SVIL: variants seen among roughly 807,000 people sequenced by gnomAD.
The protein encoded by SVIL is supervillin, also known as archvillin.
In SVIL, 101 loss-of-function variants were observed where a neutral mutation model predicts 240.4. The ratio of observed to expected loss-of-function variants is 0.42; its 90% CI spans 0.36 to 0.50. The LOEUF (loss-of-function observed/expected upper bound fraction) is 0.50, where lower values mean the gene tolerates loss of function less well. Among genes scored for constraint, SVIL ranks in the 20% least tolerant of loss-of-function variants. The pLI is 0.01. For synonymous variants in SVIL, 999 were observed against 1,100.0 expected, an observed-to-expected ratio of 0.91 and a Z score of 1.82; for missense variants, 2,512 against 2,818.7, an observed-to-expected ratio of 0.89 and a Z score of 2.46.
Position 29,487,176 on chromosome 10 carries a change from A to G in SVIL, c.4472T>C (p.Ile1491Thr), listed in dbSNP as rs1947485448. The G allele has an allele frequency of 6.2e-7, 1 of 1,614,022 alleles. No homozygotes were observed. Among genetic ancestry groups the G allele is most frequent in the Non-Finnish European group, 8.5e-7 (1 of 1,179,918 alleles). The change falls in exon 24 of 38, where the codon ATA becomes ACA. Residue 1491 changes from isoleucine to threonine, a missense_variant. Around this residue, in one of 3 missense-constraint regions of SVIL, gnomAD observed 272 missense variants for 406.8 expected, o/e 0.67. Transcript: ENST00000355867. ...FLWVGEFANV[I>T]EKAKASELAT... is the part of the protein sequence containing the mutation. ...TCAGGTACCAACCTTCGCCTTTTCT[A>G]TGACGTTTGCAAACTCTCCTACCCA...
At chr10:29,473,815 G>A in intron 30 of SVIL, 23 bp downstream of exon 30, 1 of 1,613,562 alleles carries the variant, frequency 6.2e-7, no homozygotes, top group South Asian at 1.1e-5. Flanking sequence ...AGTCCCCGGG[G>A]TGCAGAGCTC....
chr10:29,488,203 CT>C (rs1397156336), intron 23 of SVIL, among the ~76,000 whole-genome samples: 1 of 150,534 alleles, frequency 6.6e-6, no homozygotes, highest in Non-Finnish European at 1.5e-5. Flanking sequence ...TCGGGGAGAA[CT>C]GGGCAGAGAG....
intron 8 of SVIL, 92 bp from the exon 9 acceptor site, chr10:29,532,264 G>A (rs780770142): frequency 6.9e-7 from 1 of 1,447,192 alleles, no homozygotes; most frequent in Admixed American, 2.3e-5. Flanking sequence ...CGTGAGTCAA[G>A]GGACAGACAC....
chr10:29,671,171 C>T (rs1959745264), intron 2 of SVIL: 1 of 152,218 alleles, frequency 6.6e-6, no homozygotes, highest in Non-Finnish European at 1.5e-5. Context: ...AAAACTTCAT[C>T]TGCTTTTCAT....
At chr10:29,481,754 G>T (rs1946881979) in intron 27 of SVIL, 26 bp from the exon 28 acceptor site, 2 of 1,605,972 alleles carry the variant, frequency 1.2e-6, no homozygotes, top group Admixed American at 1.7e-5. Flanking sequence ...GGGGTTGGGA[G>T]AACAGACAGG....
In SVIL at chr10:29,652,222, C is replaced by G. The variant is rs546264577; in HGVS notation, c.-201+5747G>C. ...ACTCGTAATTTGCCACCATACACCCCCTGTCGTAGGCAACCATTAATCTAC... is the reference window on the plus strand; with the variant it reads ...ACTCGTAATTTGCCACCATACACCCGCTGTCGTAGGCAACCATTAATCTAC... On this transcript the variant is annotated intron_variant, in intron 3 of 35. Coordinates refer to the SVIL transcript ENST00000375400. Among the ~76,000 whole-genome samples, 488 of 152,260 alleles carry G rather than the reference C, an allele frequency of 3.2e-3. 3 individuals are homozygous for G. Among genetic ancestry groups the G allele is most frequent in the African/African-American group, 0.011 (449 of 41,556 alleles).
intron 1 of SVIL, among the ~76,000 whole-genome samples, chr10:29,725,432 G>C (rs1964234192): frequency 6.6e-6 from 1 of 152,188 alleles, no homozygotes; most frequent in Non-Finnish European, 1.5e-5. Flanking sequence ...GGAAAGGGGA[G>C]ATAAGAGCAG....
At chr10:29,628,618 C>G (rs1957965485) in intron 1 of SVIL, among the ~76,000 whole-genome samples, 1 of 152,136 alleles carries the variant, frequency 6.6e-6, no homozygotes, top group African/African-American at 2.4e-5. Context: ...GGGTCTTCGC[C>G]CAGAACCGAA....
intron 5 of SVIL, among the ~76,000 whole-genome samples, chr10:29,552,147 A>G (rs1207746122): frequency 6.6e-6 from 1 of 152,008 alleles, no homozygotes; most frequent in Admixed American, 6.6e-5. Flanking sequence ...AAAACCTATC[A>G]ATCATCACCC....
At chr10:29,561,327 CCTT>C (rs1954452491) in intron 3 of SVIL, among the ~76,000 whole-genome samples, 2 of 151,978 alleles carry the variant, frequency 1.3e-5, no homozygotes, top group South Asian at 4.2e-4. Flanking sequence ...ATTTGTTGAA[CCTT>C]AAGGAACCCA....
intron 18 of SVIL, among the ~76,000 whole-genome samples, chr10:29,496,812 C>A (rs1354918806): frequency 6.6e-6 from 1 of 152,148 alleles, no homozygotes; most frequent in Non-Finnish European, 1.5e-5. Flanking sequence ...AACCCACTTA[C>A]AAATAAATTA....
chr10:29,535,244 T>A (rs1951659434), intron 7 of SVIL, among the ~76,000 whole-genome samples: 1 of 136,884 alleles, frequency 7.3e-6, no homozygotes, highest in Non-Finnish European at 1.7e-5. Context: ...GTTGTTATTT[T>A]TCCCAGAGAT....
At chr10:29,562,787 A>AG (rs1954624891) in intron 3 of SVIL, among the ~76,000 whole-genome samples, 2 of 150,632 alleles carry the variant, frequency 1.3e-5, no homozygotes, top group African/African-American at 4.9e-5. Context: ...AAAAAAAAAA[A>AG]AAAAAAAAAG....
intron 2 of SVIL, among the ~76,000 whole-genome samples, chr10:29,683,594 A>G (rs1185482972): frequency 6.6e-6 from 1 of 152,174 alleles, no homozygotes; most frequent in Non-Finnish European, 1.5e-5. Context: ...TTAGAATTTT[A>G]TTTTTGGTTT....
rs146720976 is a variant in SVIL, at chr10:29,678,734, G to C, written c.-301+7819C>G. ...CAAGCTTTTGTCCAAAATGAAATTA[G>C]TGAGCAGAGTAGAAGCTGGAAGATG... On this transcript the variant is annotated intron_variant, in intron 2 of 35. Transcript: ENST00000375400. Among the ~76,000 whole-genome samples the C allele has an allele frequency of 1.8e-4, 28 of 152,340 alleles. 1 individual carries two copies. The East Asian group carries it at 5.2e-3, about 28-fold the overall frequency.
chr10:29,576,583 C>T (rs1955706777), intron 1 of SVIL, among the ~76,000 whole-genome samples: 1 of 152,162 alleles, frequency 6.6e-6, no homozygotes, highest in Non-Finnish European at 1.5e-5. Flanking sequence ...CTTTTTCTGT[C>T]ACCCAGGCTG....
intron 17 of SVIL, among the ~76,000 whole-genome samples, chr10:29,512,043 T>C (rs759826004): frequency 6.6e-5 from 10 of 152,214 alleles, no homozygotes; most frequent in African/African-American, 1.7e-4. Flanking sequence ...AGCCAGAAGG[T>C]GCATTTGCAA....
chr10:29,552,255 A>T (rs1953428999), intron 5 of SVIL, among the ~76,000 whole-genome samples: 1 of 152,068 alleles, frequency 6.6e-6, no homozygotes, highest in Admixed American at 6.6e-5. Flanking sequence ...TATTTTCCGT[A>T]TTCTATAAAA....
At chr10:29,494,835 T>C in intron 20 of SVIL, 79 bp downstream of exon 20, 5 of 1,429,030 alleles carry the variant, frequency 3.5e-6, no homozygotes, top group Non-Finnish European at 4.8e-6. Context: ...AACTTCTTTT[T>C]TTTGGCTGAG....
Sources: allele counts gnomAD v4.1 joint callset (sites outside exome capture counted in the v4.1 genomes callset), GRCh38; gene constraint gnomAD v4.1.1; regional missense constraint gnomAD v4.1.1; transcripts MANE v1.5; gene names NCBI Gene and HGNC (gene_info 2026-07-23, HGNC 2026-07-21).